ERFE: variants seen among roughly 807,000 people sequenced by gnomAD.
ERFE encodes the protein complement C1q tumor necrosis factor-related protein 15.
Under a neutral mutation model 26.6 loss-of-function variants are expected in ERFE, and 25 were observed. That is an observed-to-expected ratio of 0.94 (90% CI 0.69 to 1.31). ERFE has a LOEUF of 1.31. Among genes scored for constraint, ERFE ranks in the 40% most tolerant of loss-of-function variants. The pLI, the probability that ERFE is intolerant of heterozygous loss-of-function variation, is 0.00. For synonymous variants in ERFE, 206 were observed against 204.5 expected (o/e 1.01, Z -0.06); for missense variants, 447 against 440.2 (o/e 1.02, Z -0.14).
At position 238,167,519 on chromosome 2, in the gene ERFE, C is replaced by G. The variant is rs758261110; in HGVS notation, c.*465C>G. ...AGGGCTGAGGGGGCTGCCACAGGGA[C>G]GTACGCTGTGTGTTCTTACTGCTTA... On this transcript the variant is annotated 3_prime_UTR_variant, in exon 8 of 8. Transcript: ENST00000546354. The G allele has an allele frequency of 2.2e-6, 1 of 455,948 alleles. No homozygotes were observed. Among genetic ancestry groups the G allele is most frequent in the Non-Finnish European group, 4.4e-6 (1 of 227,052 alleles). The allele number at this position is 455,948 out of a possible 1,614,324, so 28.2% of individuals were successfully genotyped here.
intron 6 of ERFE, among the ~76,000 whole-genome samples, chr2:238,165,058 G>T (rs1033943401): frequency 2.6e-5 from 4 of 151,994 alleles, no homozygotes. Flanking sequence ...CTCCTCAGTC[G>T]CCCTCCCACT....
rs912441557 is a variant in ERFE at position 238,162,892 on chromosome 2, G to A, written c.424+54G>A. ...ACACCCCGCTGTGAGCAGGGCCTGG[G>A]AGGGTGTCCCGAGGAGCTGACAGGG... is the stretch of plus-strand genomic sequence containing the variant. On this transcript the variant is annotated intron_variant, in intron 3 of 7. Coordinates refer to ENST00000546354, the MANE Select transcript of ERFE (RefSeq NM_001291832.2). The A allele has an allele frequency of 2.1e-6, 3 of 1,433,868 alleles. No individual in the cohort carries two copies. In the African/African-American group the frequency reaches 4.3e-5, roughly 20 times the overall value. The allele number at this position is 1,433,868 out of a possible 1,614,324, so 88.8% of individuals were successfully genotyped here.
intron 2 of ERFE, among the ~76,000 whole-genome samples, chr2:238,162,502 C>T (rs952554284): frequency 2.6e-5 from 4 of 152,266 alleles, no homozygotes; most frequent in Non-Finnish European, 5.9e-5. Flanking sequence ...CCTCTGCCTC[C>T]CCACTCAGAG....
chr2:238,161,459 T>C, intron 1 of ERFE, 135 bp from the exon 2 acceptor site: 1 of 1,183,662 alleles, frequency 8.4e-7, no homozygotes, highest in Non-Finnish European at 1.1e-6. Flanking sequence ...GGAGCTGCCT[T>C]TGAGGGCACC....
rs374833288 is a variant in ERFE, at chr2:238,165,675, G to A, written c.957G>A (p.Leu319=). Residue 319 remains leucine, a synonymous_variant, in exon 7 of 8, where the codon CTG becomes CTA. Transcript: ENST00000546354. The part of the protein sequence containing the change: ...ELFTISVNGV[L]YLQMGQWTSV... ...TCACCATCTCTGTGAATGGCGTCCT[G>A]TACCTGCAGGTGAGTGCGGCAGGCT... 4.5e-6 allele frequency: 7 copies of A among 1,549,144 alleles called. No individual in the cohort carries two copies. The East Asian group carries it at 1.2e-4, about 27-fold the overall frequency.
In ERFE at chr2:238,168,712, G is replaced by A. The variant is rs1381614813; in HGVS notation, c.*1658G>A. 6 of 297,788 alleles carry A rather than the reference G, an allele frequency of 2.0e-5. No individual in the cohort carries two copies. Among genetic ancestry groups the A allele is most frequent in the Non-Finnish European group, 4.0e-5 (6 of 148,974 alleles). 18.4% of individuals were successfully genotyped at this position (297,788 alleles called of 1,614,324 possible). ...CTGCATCCGTGTGTTTTGATAAGGG[G>A]GTGATGTGGCCACGCCCTTATCTAG... is the stretch of plus-strand genomic sequence containing the variant. On this transcript the variant is annotated 3_prime_UTR_variant, in exon 8 of 8. Transcript: ENST00000546354.
At chr2:238,163,497 G>C (rs1218637356) in intron 3 of ERFE, 3 of 398,146 alleles carry the variant, frequency 7.5e-6, no homozygotes, top group Non-Finnish European at 1.3e-5. Flanking sequence ...GGTGAGGCTG[G>C]AGGCCAAGGG....
At chr2:238,160,920 T>C (rs1421879294) in intron 1 of ERFE, among the ~76,000 whole-genome samples, 2 of 152,138 alleles carry the variant, frequency 1.3e-5, no homozygotes, top group Non-Finnish European at 2.9e-5. Flanking sequence ...AGTGTCAGCA[T>C]CAGTCAGGAT....
chr2:238,165,718 C>G (rs771668828), intron 7 of ERFE, 34 bp downstream of exon 7: 3 of 1,536,698 alleles, frequency 2.0e-6, no homozygotes, highest in Non-Finnish European at 1.8e-6. Flanking sequence ...CGAGGGGCAC[C>G]GCCTGGGCAT....
At chr2:238,165,733 A>G in intron 7 of ERFE, 49 bp downstream of exon 7, 1 of 1,519,186 alleles carries the variant, frequency 6.6e-7, no homozygotes, top group Non-Finnish European at 8.9e-7. Context: ...GGGCATGGCC[A>G]CGGGTGGCTG....
intron 1 of ERFE, among the ~76,000 whole-genome samples, chr2:238,159,891 G>C (rs778894950): frequency 6.6e-6 from 1 of 152,198 alleles, no homozygotes; most frequent in Non-Finnish European, 1.5e-5. Context: ...CGGGGTGGGC[G>C]GCCGGTGCTG....
Position 238,164,281 on chromosome 2 carries a change from CCGCCGAGGAGG to C in ERFE, c.809_819del (p.Pro270ArgfsTer36). The C allele has an allele frequency of 6.6e-7, 1 of 1,509,886 alleles. No individual in the cohort carries two copies. Among genetic ancestry groups the C allele is most frequent in the Non-Finnish European group, 8.8e-7 (1 of 1,135,558 alleles). The allele number at this position is 1,509,886 out of a possible 1,614,324, so 93.5% of individuals were successfully genotyped here. A position where few individuals can be genotyped will look rare whatever the true frequency, so the allele number is the denominator to read the frequency against. On this transcript the variant is annotated frameshift_variant, in exon 6 of 8. Transcript: ENST00000546354. LOFTEE classifies it high-confidence loss of function. Reference sequence around the variant, plus strand: ...ACCCTCCCCCGCAGCGCTCGGGGAGCCGCCGAGGAGGGGGCCGCCGCGCCCCCGGGACCACC... The same window carrying C: ...ACCCTCCCCCGCAGCGCTCGGGGAGCGGGCCGCCGCGCCCCCGGGACCACC...
Position 238,168,456 on chromosome 2 carries a change from T to C in ERFE, c.*1402T>C, listed in dbSNP as rs540527170. 4.1e-4 allele frequency: 194 copies of C among 471,032 alleles called. No homozygotes were observed. Among genetic ancestry groups the C allele is most frequent in the African/African-American group, 3.5e-3 (177 of 50,160 alleles). 29.2% of individuals were successfully genotyped at this position (471,032 alleles called of 1,614,324 possible). A position where few individuals can be genotyped will look rare whatever the true frequency, so the allele number is the denominator to read the frequency against. ...TCAGGCCTGGGAGAGAAGGGAGCAA[T>C]GGCCAGTCACCTTCACCTTCTAACT... On this transcript the variant is annotated 3_prime_UTR_variant, in exon 8 of 8. Transcript: ENST00000546354.
rs540650156 is a variant in ERFE at position 238,166,511 on chromosome 2, ACTGCTGGTGCATGACCACG to A, written c.967-425_967-407del. Among the ~76,000 whole-genome samples the A allele has an allele frequency of 1.9e-3, 293 of 152,298 alleles. 1 individual carries two copies. The highest frequency in any genetic ancestry group is 6.2e-3 in the African/African-American group (256 of 41,560). ...TCTGGGAGTTCCCAGGGAATGTGAC[ACTGCTGGTGCATGACCACG>A]CTGCTGGTGCATGACCACGTTTGGA... On this transcript the variant is annotated intron_variant, in intron 7 of 7. Coordinates refer to ENST00000546354, the MANE Select transcript of ERFE (RefSeq NM_001291832.2).
intron 2 of ERFE, 99 bp downstream of exon 2, chr2:238,161,815 A>C (rs1574767551): frequency 1.4e-6 from 2 of 1,385,038 alleles, no homozygotes; most frequent in Non-Finnish European, 1.9e-6. Context: ...CCAATAGCAC[A>C]CCCCTCACGC....
At chr2:238,163,675 G>A in intron 3 of ERFE, 62 bp from the exon 4 acceptor site, 1 of 1,258,316 alleles carries the variant, frequency 7.9e-7, no homozygotes, top group Non-Finnish European at 1.0e-6. Flanking sequence ...GTTCAGGGCT[G>A]GACCCACGCG....
At chr2:238,165,736 G>A (rs571698475) in intron 7 of ERFE, 52 bp downstream of exon 7, 2 of 1,503,644 alleles carry the variant, frequency 1.3e-6, no homozygotes, top group African/African-American at 2.8e-5. Flanking sequence ...CATGGCCACG[G>A]GTGGCTGGGT....
At chr2:238,159,267 G>T in intron 1 of ERFE, 62 bp downstream of exon 1, 1 of 189,670 alleles carries the variant, frequency 5.3e-6, no homozygotes, top group Non-Finnish European at 1.1e-5. Context: ...TCGGGGCGGC[G>T]GGAGGCGGAC....
chr2:238,163,939 C>A lies in ERFE; in HGVS notation c.627C>A (p.Arg209=). ...APRVEAAFLC[R]LRRDALVERR... ...GCGTGGAGGCCGCTTTCCTCTGCCG[C>A]CTGCGCCGGGACGCGTTGGTGGAGC... The change falls in exon 4 of 8, where the codon CGC becomes CGA. Residue 209 remains arginine (R), a synonymous_variant. Coordinates refer to ENST00000546354, the MANE Select transcript of ERFE (RefSeq NM_001291832.2). 1 of 1,370,234 alleles carries A rather than the reference C, an allele frequency of 7.3e-7. No homozygotes were observed. The allele number at this position is 1,370,234 out of a possible 1,614,324, so 84.9% of individuals were successfully genotyped here.
Sources: gnomAD v4.1 joint callset for allele counts (sites outside exome capture counted in the v4.1 genomes callset) on GRCh38, gnomAD v4.1.1 for gene constraint, MANE v1.5 for transcripts, NCBI Gene and HGNC (gene_info 2026-07-23, HGNC 2026-07-21) for gene names.